Variants in OSTF1 observed in about 807,000 individuals in gnomAD.
OSTF1 encodes osteoclast stimulating factor 1, also known as osteoclast-stimulating factor 1.
A neutral mutation model predicts 37.2 loss-of-function variants in OSTF1; 27 were observed. The ratio of observed to expected loss-of-function variants is 0.73; its 90% CI spans 0.54 to 1.00. The LOEUF is 1.00. OSTF1 is among the 50% of genes least tolerant of loss of function. OSTF1 has a pLI of 0.00. For missense variants in OSTF1, 232 were observed against 253.8 expected (o/e 0.91, Z 0.58); for synonymous variants, 82 against 89.2 (o/e 0.92, Z 0.46).
chr9:75,129,316 C>T (rs973519294), intron 3 of OSTF1, among the ~76,000 whole-genome samples: 1 of 152,122 alleles, frequency 6.6e-6, no homozygotes, highest in African/African-American at 2.4e-5. Context: ...ACCATTTATT[C>T]TGTGTTTTCT....
intron 1 of OSTF1, among the ~76,000 whole-genome samples, chr9:75,103,419 A>G (rs927334427): frequency 6.6e-6 from 1 of 152,224 alleles, no homozygotes; most frequent in African/African-American, 2.4e-5. Context: ...AATAAAGAAG[A>G]AAATAAGTAT....
intron 1 of OSTF1, 101 bp downstream of exon 1, chr9:75,088,827 C>A: frequency 8.4e-7 from 1 of 1,193,986 alleles, no homozygotes; most frequent in Non-Finnish European, 1.2e-6. Flanking sequence ...CACCCGGCCC[C>A]GAGCCTGGCT....
chr9:75,128,502 C>CAT lies in OSTF1; in HGVS notation c.132+900_132+901dup, dbSNP rs59701548. 8.0e-4 allele frequency among the ~76,000 whole-genome samples: 3 copies of CAT among 3,750 alleles called. 1 individual carries two copies. The South Asian group carries it at 0.01, about 13-fold the overall frequency. The allele number at this position is 3,750 out of a possible 152,430, so 2.5% of individuals were successfully genotyped here. On this transcript the variant is annotated intron_variant, in intron 3 of 9. Coordinates refer to ENST00000346234, the MANE Select transcript of OSTF1 (RefSeq NM_012383.5). ...CATATATATATATATATATTTTGTC[C>CAT]ATATATATATATATATATTTTGTCC...
intron 8 of OSTF1, among the ~76,000 whole-genome samples, chr9:75,139,259 C>G (rs1825901070): frequency 6.6e-6 from 1 of 150,886 alleles, no homozygotes; most frequent in Non-Finnish European, 1.5e-5. Context: ...GTCTTAAACT[C>G]CTGAACACAA....
chr9:75,088,542 G>A lies in OSTF1; in HGVS notation c.-151G>A. ...CGGCGGAGCCGCTCTGCCTGCGTCC[G>A]CTCTTCCCGCAGCCAAGGGTGGGCG... is the stretch of plus-strand genomic sequence containing the variant. On this transcript the variant is annotated 5_prime_UTR_variant, in exon 1 of 10. Coordinates refer to ENST00000346234, the MANE Select transcript of OSTF1 (RefSeq NM_012383.5). 6 of 809,284 alleles carry A rather than the reference G, an allele frequency of 7.4e-6. No individual in the cohort carries two copies. The highest frequency in any genetic ancestry group is 1.2e-5 in the Non-Finnish European group (6 of 498,006). 50.1% of individuals were successfully genotyped at this position (809,284 alleles called of 1,614,324 possible).
At chr9:75,092,470 G>T (rs113090475) in intron 1 of OSTF1, among the ~76,000 whole-genome samples, 7 of 152,282 alleles carry the variant, frequency 4.6e-5, no homozygotes, top group African/African-American at 1.4e-4. Flanking sequence ...TGGGGAAGAC[G>T]TATGTATCTA....
Position 75,115,866 on chromosome 9 carries a change from G to T in OSTF1, c.35-1638G>T, listed in dbSNP as rs193110907. On this transcript the variant is annotated intron_variant, in intron 1 of 9. Coordinates refer to ENST00000346234, the MANE Select transcript of OSTF1 (RefSeq NM_012383.5). ...TGCCTGTAATCCCAGCACTTTGGGA[G>T]TCTCAGGCAGGCAGATCGCTTGAAG... is the stretch of plus-strand genomic sequence containing the variant. Among the ~76,000 whole-genome samples, 241 of 152,206 alleles carry T rather than the reference G, an allele frequency of 1.6e-3. 1 individual carries two copies. The highest frequency in any genetic ancestry group is 3.2e-3 in the Non-Finnish European group (218 of 68,006).
chr9:75,095,802 T>C (rs548361301), intron 1 of OSTF1, among the ~76,000 whole-genome samples: 40 of 152,250 alleles, frequency 2.6e-4, no homozygotes, highest in African/African-American at 9.6e-4. Context: ...GTGTTAACAG[T>C]TGCTGTAGGT....
chr9:75,133,773 T>A (rs1825803092), intron 6 of OSTF1, among the ~76,000 whole-genome samples: 1 of 152,264 alleles, frequency 6.6e-6, no homozygotes, highest in Admixed American at 6.5e-5. Flanking sequence ...ATTTGCATTT[T>A]AAGTTTAATG....
chr9:75,097,056 C>T (rs959790785), intron 1 of OSTF1, among the ~76,000 whole-genome samples: 2 of 152,144 alleles, frequency 1.3e-5, no homozygotes, highest in African/African-American at 2.4e-5. Flanking sequence ...TGAAGGTATT[C>T]CTGCTGGTTT....
In OSTF1 at chr9:75,130,710, T is replaced by C. The variant is rs41287443; in HGVS notation, c.196+69T>C. On this transcript the variant is annotated intron_variant, in intron 4 of 9. Transcript: ENST00000346234. ...AATTTTTTGGTTCTTGATGCTTTTC[T>C]GCTTGCTACTGTGGCTGAGAAAGCA... The C allele has an allele frequency of 6.0e-4, 552 of 917,314 alleles. 1 individual carries two copies. The highest frequency in any genetic ancestry group is 1.5e-3 in the South Asian group (114 of 76,830). 56.8% of individuals were successfully genotyped at this position (917,314 alleles called of 1,614,324 possible). A position where few individuals can be genotyped will look rare whatever the true frequency, so the allele number is the denominator to read the frequency against.
At chr9:75,119,630 G>A (rs376941634) in intron 2 of OSTF1, among the ~76,000 whole-genome samples, 19 of 152,140 alleles carry the variant, frequency 1.2e-4, no homozygotes, top group Admixed American at 3.9e-4. Flanking sequence ...GTCTTCTTAT[G>A]GTCTTTCCTC....
rs1181905307 is a variant in OSTF1, at chr9:75,128,514, TATATATTTTGTCC to T, written c.132+902_132+914del. ...TATATATTTTGTCCATATATATATA[TATATATTTTGTCC>T]ATATATATATATATATATTTTGTCC... On this transcript the variant is annotated intron_variant, in intron 3 of 9. Transcript: ENST00000346234. Among the ~76,000 whole-genome samples the T allele has an allele frequency of 2.1e-3, 80 of 38,868 alleles. 17 individuals are homozygous for T. The highest frequency in any genetic ancestry group is 4.5e-3 in the African/African-American group (35 of 7,720). The allele number at this position is 38,868 out of a possible 152,430, so 25.5% of individuals were successfully genotyped here.
intron 1 of OSTF1, among the ~76,000 whole-genome samples, chr9:75,097,246 G>A (rs547242629): frequency 6.6e-6 from 1 of 152,228 alleles, no homozygotes; most frequent in African/African-American, 2.4e-5. Flanking sequence ...ACTAGAACCT[G>A]GGCCTATCCG....
intron 2 of OSTF1, among the ~76,000 whole-genome samples, chr9:75,121,394 T>C (rs1016367452): frequency 1.3e-5 from 2 of 152,340 alleles, no homozygotes; most frequent in East Asian, 1.9e-4. Flanking sequence ...CAGGAGAATA[T>C]ACATTTAATT....
chr9:75,105,622 T>G (rs1825270131), intron 1 of OSTF1, among the ~76,000 whole-genome samples: 1 of 150,532 alleles, frequency 6.6e-6, no homozygotes. Context: ...TTTGCGGAGG[T>G]GGCATGATCA....
In OSTF1 at chr9:75,132,962, TACACACACATACACACAC is replaced by T. The variant is rs1200235450; in HGVS notation, c.251-322_251-305del. 3.8e-3 allele frequency among the ~76,000 whole-genome samples: 368 copies of T among 97,764 alleles called. 1 individual carries two copies. The highest frequency in any genetic ancestry group is 5.5e-3 in the Non-Finnish European group (278 of 50,164). 64.1% of individuals were successfully genotyped at this position (97,764 alleles called of 152,430 possible). A position where few individuals can be genotyped will look rare whatever the true frequency, so the allele number is the denominator to read the frequency against. On this transcript the variant is annotated intron_variant, in intron 5 of 9. Coordinates refer to ENST00000346234, the MANE Select transcript of OSTF1 (RefSeq NM_012383.5). ...CAAAGAAAAAAATAATATATACACA[TACACACACATACACACAC>T]ACACACACACACACACACACACACA...
chr9:75,142,963 A>G (rs928247887), intron 9 of OSTF1, among the ~76,000 whole-genome samples: 3 of 148,590 alleles, frequency 2.0e-5, no homozygotes, highest in African/African-American at 7.4e-5. Context: ...TTTTTGAGAC[A>G]GAGTCTCACT....
intron 2 of OSTF1, among the ~76,000 whole-genome samples, chr9:75,125,517 G>A (rs117682202): frequency 0.048 from 7,267 of 152,190 alleles, 225 homozygotes; most frequent in Middle Eastern, 0.078. Flanking sequence ...TGTATTACAA[G>A]GTCTAGTACA....
Sources: gnomAD v4.1 joint callset for allele counts (sites outside exome capture counted in the v4.1 genomes callset) on GRCh38, gnomAD v4.1.1 for gene constraint, MANE v1.5 for transcripts, NCBI Gene and HGNC (gene_info 2026-07-23, HGNC 2026-07-21) for gene names.